METTL25: variants seen among roughly 807,000 people sequenced by gnomAD.
METTL25 encodes the protein methyltransferase like 25.
METTL25 carries 64 observed loss-of-function variants against 71.6 expected under a neutral mutation model. The observed-to-expected ratio is 0.89, with a 90% CI of 0.73 to 1.10. The LOEUF is 1.10. METTL25 is among the 50% of genes least tolerant of loss of function. METTL25 has a pLI of 0.00. For synonymous variants in METTL25, 287 were observed against 250.3 expected (o/e 1.15, Z -1.38); for missense variants, 807 against 707.0 (o/e 1.14, Z -1.60).
chr12:82,427,500 T>G (rs1406772154), intron 5 of METTL25, among the ~76,000 whole-genome samples: 1 of 151,986 alleles, frequency 6.6e-6, no homozygotes, highest in African/African-American at 2.4e-5. Context: ...GTATTTTTTC[T>G]AGTCCAAGTT....
chr12:82,385,519 A>T (rs1432619165), intron 1 of METTL25, among the ~76,000 whole-genome samples: 3 of 152,142 alleles, frequency 2.0e-5, no homozygotes, highest in Non-Finnish European at 2.9e-5. Context: ...ATTAATTTTC[A>T]ATGAATGGGC....
At chr12:82,451,239 C>T (rs1226709525) in intron 8 of METTL25, 1 of 938,450 alleles carries the variant, frequency 1.1e-6, no homozygotes, top group East Asian at 1.2e-4. Context: ...GCAGTATCCT[C>T]CTCTTTAAGA....
At chr12:82,424,235 A>G (rs1166824262) in intron 5 of METTL25, among the ~76,000 whole-genome samples, 1 of 152,202 alleles carries the variant, frequency 6.6e-6, no homozygotes, top group Non-Finnish European at 1.5e-5. Context: ...TGTCCTTTGT[A>G]GGGATATGGA....
Position 82,358,534 on chromosome 12 carries a change from T to C in METTL25, c.-32T>C. 6.2e-7 allele frequency: 1 copy of C among 1,602,622 alleles called. No homozygotes were observed. Among genetic ancestry groups the C allele is most frequent in the African/African-American group, 1.3e-5 (1 of 74,970 alleles). On this transcript the variant is annotated 5_prime_UTR_variant, in exon 1 of 12. Coordinates refer to ENST00000248306, the MANE Select transcript of METTL25 (RefSeq NM_032230.3). ...CGAGCTGGCGCCTCACGGCCATGTT[T>C]GCGCCACCTACAGCCTCGGAGGGTG...
intron 3 of METTL25, among the ~76,000 whole-genome samples, chr12:82,390,388 A>G (rs1885460279): frequency 1.3e-5 from 2 of 152,242 alleles, no homozygotes; most frequent in South Asian, 2.1e-4. Context: ...TTGATTCACA[A>G]TGCATTCCTG....
At chr12:82,365,995 T>C (rs1340502916) in intron 1 of METTL25, among the ~76,000 whole-genome samples, 2 of 151,990 alleles carry the variant, frequency 1.3e-5, no homozygotes, top group East Asian at 3.9e-4. Flanking sequence ...GGCAGGAGAA[T>C]GGTGTGAACC....
At chr12:82,375,425 G>A (rs1192283878) in intron 1 of METTL25, among the ~76,000 whole-genome samples, 1 of 137,612 alleles carries the variant, frequency 7.3e-6, no homozygotes, top group African/African-American at 2.8e-5. Flanking sequence ...GGACTTCCCA[G>A]CCTCTAGAGC....
intron 9 of METTL25, among the ~76,000 whole-genome samples, chr12:82,462,409 T>C (rs1261867326): frequency 6.6e-6 from 1 of 152,090 alleles, no homozygotes; most frequent in Non-Finnish European, 1.5e-5. Flanking sequence ...CTATGTTTTA[T>C]TTCTATGAGA....
chr12:82,441,770 T>C (rs1890353390), intron 8 of METTL25, among the ~76,000 whole-genome samples: 1 of 138,128 alleles, frequency 7.2e-6, no homozygotes, highest in African/African-American at 2.7e-5. Context: ...TTTTATGCAT[T>C]ACTGCCATAC....
chr12:82,413,534 G>C (rs1328916143), intron 5 of METTL25, among the ~76,000 whole-genome samples: 1 of 152,006 alleles, frequency 6.6e-6, no homozygotes, highest in Admixed American at 6.6e-5. Flanking sequence ...TAGAAGAAAA[G>C]TTGCTTTGAC....
At chr12:82,460,129 G>A (rs954871574) in intron 9 of METTL25, among the ~76,000 whole-genome samples, 27 of 152,170 alleles carry the variant, frequency 1.8e-4, no homozygotes, top group African/African-American at 6.5e-4. Context: ...ATGATGTGGG[G>A]AGGGTCTCTG....
chr12:82,391,727 T>A (rs943696277), intron 3 of METTL25, among the ~76,000 whole-genome samples: 23 of 146,560 alleles, frequency 1.6e-4, no homozygotes, highest in African/African-American at 5.4e-4. Context: ...TGATTTCCTT[T>A]TTTTTTTTTT....
intron 6 of METTL25, among the ~76,000 whole-genome samples, chr12:82,434,335 A>G (rs964246727): frequency 6.6e-6 from 1 of 151,446 alleles, no homozygotes; most frequent in African/African-American, 2.4e-5. Flanking sequence ...GTGCATAATA[A>G]TAGTGTTGGA....
chr12:82,434,308 T>C (rs1400905764), intron 6 of METTL25, among the ~76,000 whole-genome samples: 2 of 151,374 alleles, frequency 1.3e-5, no homozygotes, highest in Non-Finnish European at 3.0e-5. Flanking sequence ...TATATAAATA[T>C]ATCTATGTCT....
At chr12:82,438,673 GT>G (rs199570487) in intron 7 of METTL25, 44 bp from the exon 8 acceptor site, 213 of 1,239,708 alleles carry the variant, frequency 1.7e-4, no homozygotes, top group Middle Eastern at 6.1e-4. Flanking sequence ...TTTTATTTCT[GT>G]TTTTTTTGTT....
chr12:82,443,642 G>A (rs192290745), intron 8 of METTL25, among the ~76,000 whole-genome samples: 2 of 152,226 alleles, frequency 1.3e-5, no homozygotes, highest in East Asian at 1.9e-4. Flanking sequence ...TATACAAGAA[G>A]AATGGTCCCA....
intron 5 of METTL25, among the ~76,000 whole-genome samples, chr12:82,424,623 T>C (rs966088193): frequency 1.3e-5 from 2 of 151,940 alleles, no homozygotes; most frequent in African/African-American, 4.8e-5. Flanking sequence ...CCAGATATAA[T>C]ATAGGAATGG....
intron 3 of METTL25, among the ~76,000 whole-genome samples, chr12:82,395,796 G>T (rs900462790): frequency 6.6e-6 from 1 of 152,020 alleles, no homozygotes; most frequent in Admixed American, 6.6e-5. Flanking sequence ...CAGCAGGGAC[G>T]TCTATTGTGG....
intron 5 of METTL25, among the ~76,000 whole-genome samples, chr12:82,408,597 C>CGTGTGTGTGTGTGTGTGTGTGTGTGT (rs56872887): frequency 6.8e-6 from 1 of 147,636 alleles, no homozygotes; most frequent in African/African-American, 2.5e-5. Flanking sequence ...GATGTGACTC[C>CGTGTGTGTGTGTGTGTGTGTGTGTGT]GTGTGTGTGT....
Sources: allele counts gnomAD v4.1 joint callset (sites outside exome capture counted in the v4.1 genomes callset), GRCh38; gene constraint gnomAD v4.1.1; transcripts MANE v1.5; gene names NCBI Gene and HGNC (gene_info 2026-07-23, HGNC 2026-07-21).